The following IRAK1BP1 variants were observed in gnomAD, a reference collection of about 807,000 sequenced individuals.
IRAK1BP1 encodes the protein interleukin-1 receptor-associated kinase 1-binding protein 1.
IRAK1BP1 carries 24 observed loss-of-function variants against 28.0 expected under a neutral mutation model. The observed-to-expected ratio is 0.86, with a 90% CI of 0.62 to 1.20. The LOEUF is 1.20. Ranked by LOEUF, IRAK1BP1 falls within the 50% of genes most tolerant of loss-of-function variation. The pLI is 0.00. For synonymous variants in IRAK1BP1, 131 were observed against 116.3 expected (o/e 1.13, Z -0.81); for missense variants, 336 against 316.7 (o/e 1.06, Z -0.46).
chr6:78,886,429 T>C (rs930176713), intron 2 of IRAK1BP1, among the ~76,000 whole-genome samples: 4 of 152,218 alleles, frequency 2.6e-5, no homozygotes. Context: ...TTACTCATTA[T>C]GATTTTAGGG....
exon 5 of IRAK1BP1, chr6:78,946,341 A>G: frequency 2.1e-6 from 3 of 1,448,062 alleles, no homozygotes; most frequent in Non-Finnish European, 2.8e-6. Context: ...TTTGGATTCA[A>G]TATTTGTACT....
At chr6:78,958,344 C>G in the IRAK1BP1 span, 1 of 604,274 alleles carries the variant, frequency 1.7e-6, no homozygotes. Flanking sequence ...GTCTAATGCT[C>G]TCCCAGCTGA....
At position 78,935,652 on chromosome 6, in the gene IRAK1BP1, A is replaced by AATTAC. The variant is rs1457469294; in HGVS notation, c.*68-9752_*68-9748dup. The AATTAC allele has an allele frequency of 4.1e-6, 4 of 983,668 alleles. No homozygotes were observed. The African/African-American group carries it at 7.0e-5, about 17-fold the overall frequency. The allele number at this position is 983,668 out of a possible 1,614,324, so 60.9% of individuals were successfully genotyped here. ...TTGACCTTCAGTTGTTTTGGAATTA[A>AATTAC]ATTACATTTCGGCACCCAAATATCT... On this transcript the variant is annotated intron_variant and NMD_transcript_variant, in intron 4 of 4. Transcript: ENST00000606868.
chr6:78,908,751 G>A (rs972743887), intron 4 of IRAK1BP1, among the ~76,000 whole-genome samples: 2 of 152,202 alleles, frequency 1.3e-5, no homozygotes, highest in East Asian at 3.8e-4. Flanking sequence ...GAAAATCAAT[G>A]TGCAATATTT....
downstream of IRAK1BP1, among the ~76,000 whole-genome samples, chr6:78,951,244 T>A (rs1325597387): frequency 1.3e-5 from 2 of 152,216 alleles, no homozygotes; most frequent in Non-Finnish European, 2.9e-5. Context: ...ATTTTATTTA[T>A]GTAGAATACT....
At position 78,885,396 on chromosome 6, in the gene IRAK1BP1, A is replaced by G; in HGVS notation, c.334A>G (p.Thr112Ala). Residue 112 changes from threonine (T) to alanine (A), a missense_variant, in exon 2 of 4, where the codon ACA (threonine) becomes GCA (alanine). Transcript: ENST00000369940. ...GTTTCAGGCAGAAAATATAACTGTGACAAAGGATTTTAGGAGAGTGGAAAA... is the reference window on the plus strand; with the variant it reads ...GTTTCAGGCAGAAAATATAACTGTGGCAAAGGATTTTAGGAGAGTGGAAAA... ...QGVQAENITV[T>A]KDFRRVENAY... 1 of 1,583,500 alleles carries G rather than the reference A, an allele frequency of 6.3e-7. No homozygotes were observed. Among genetic ancestry groups the G allele is most frequent in the Admixed American group, 1.8e-5 (1 of 57,012 alleles).
At chr6:78,953,807 A>T in the IRAK1BP1 span, among the ~76,000 whole-genome samples, 1 of 152,066 alleles carries the variant, frequency 6.6e-6, no homozygotes, top group South Asian at 2.1e-4. Flanking sequence ...GCTGGTCTTG[A>T]ACTCCTGGCC....
chr6:78,871,479 T>C, intron 1 of IRAK1BP1: 2 of 985,550 alleles, frequency 2.0e-6, no homozygotes, highest in Non-Finnish European at 1.2e-6. Context: ...TGACACCCAG[T>C]AGGAGGTATT....
intron 4 of IRAK1BP1, among the ~76,000 whole-genome samples, chr6:78,942,332 A>C (rs1451246809): frequency 6.6e-6 from 1 of 152,106 alleles, no homozygotes; most frequent in African/African-American, 2.4e-5. Flanking sequence ...AAAGTACAAA[A>C]AGTAGCTGGG....
At chr6:78,879,084 C>G (rs945298322) in intron 1 of IRAK1BP1, among the ~76,000 whole-genome samples, 3 of 152,042 alleles carry the variant, frequency 2.0e-5, no homozygotes, top group Non-Finnish European at 4.4e-5. Context: ...ACGATATTAT[C>G]CAGGAGAACT....
chr6:78,897,960 G>T lies in IRAK1BP1; in HGVS notation c.512+1G>T, dbSNP rs1256928480. The T allele has an allele frequency of 1.2e-6, 2 of 1,613,534 alleles. No individual in the cohort carries two copies. The highest frequency in any genetic ancestry group is 2.7e-5 in the African/African-American group (2 of 74,878). ...CTCCAGGTTCTGTTGAGAATCTTCG[G>T]TAAGTTTAAGCACATCTTTAACTAA... is the stretch of plus-strand genomic sequence containing the variant. On this transcript the variant is annotated splice_donor_variant, in intron 3 of 3. Coordinates refer to ENST00000369940, the MANE Select transcript of IRAK1BP1 (RefSeq NM_001010844.4). LOFTEE classifies it high-confidence loss of function.
chr6:78,923,029 A>G (rs1174926925), intron 4 of IRAK1BP1, among the ~76,000 whole-genome samples: 2 of 152,158 alleles, frequency 1.3e-5, no homozygotes, highest in Non-Finnish European at 2.9e-5. Context: ...CGAGCAAAAT[A>G]ACCAGCTAAC....
Position 78,940,967 on chromosome 6 carries a change from A to T in IRAK1BP1, c.*68-4441A>T, listed in dbSNP as rs768951489. 6.3e-5 allele frequency: 102 copies of T among 1,613,664 alleles called. No individual in the cohort carries two copies. Among genetic ancestry groups the T allele is most frequent in the Non-Finnish European group, 8.1e-5 (96 of 1,179,766 alleles). ...CCTTAACACTTTGACACTTGCAGGG[A>T]CTAGGAGATCTGCATCTAATTTTTG... is the stretch of plus-strand genomic sequence containing the variant. On this transcript the variant is annotated intron_variant and NMD_transcript_variant, in intron 4 of 4. Coordinates refer to the IRAK1BP1 transcript ENST00000606868.
At chr6:78,877,727 A>G (rs1483626522) in intron 1 of IRAK1BP1, among the ~76,000 whole-genome samples, 1 of 152,174 alleles carries the variant, frequency 6.6e-6, no homozygotes, top group Admixed American at 6.5e-5. Context: ...GGGTCGGGGA[A>G]TTCCCTTTCC....
At chr6:78,946,460 C>T (rs1168601019), downstream of IRAK1BP1, 41 of 1,398,390 alleles carry the variant, frequency 2.9e-5, no homozygotes, top group Admixed American at 1.3e-4. Flanking sequence ...AGTTATATGA[C>T]GGAAAGCATG....
At chr6:78,927,928 G>T (rs1283631394) in intron 4 of IRAK1BP1, among the ~76,000 whole-genome samples, 1 of 152,066 alleles carries the variant, frequency 6.6e-6, no homozygotes, top group Non-Finnish European at 1.5e-5. Context: ...ATGCTGTTTT[G>T]CTCACTATAG....
At chr6:78,943,990 TAAAAAAAAAA>T (rs558983037) in intron 4 of IRAK1BP1, among the ~76,000 whole-genome samples, 1 of 78,144 alleles carries the variant, frequency 1.3e-5, no homozygotes, top group African/African-American at 5.2e-5. Flanking sequence ...TGTCTTTTTT[TAAAAAAAAAA>T]AAAAAAAAAA....
chr6:78,897,838 A>C lies in IRAK1BP1; in HGVS notation c.391A>C (p.Thr131Pro), dbSNP rs757396281. Residue 131 changes from threonine (T) to proline (P), a missense_variant, in exon 3 of 4, where the codon ACA (threonine) becomes CCA (proline). Coordinates refer to ENST00000369940, the MANE Select transcript of IRAK1BP1 (RefSeq NM_001010844.4). Reference protein sequence around the residue: ...AYHMEAEVCITFTEFGKMQNI... With the variant: ...AYHMEAEVCIPFTEFGKMQNI... ...GTCATTTCATTTACAGGTCTGCATT[A>C]CATTTACTGAATTTGGAAAAATGCA... 2 of 1,612,242 alleles carry C rather than the reference A, an allele frequency of 1.2e-6. No homozygotes were observed. The highest frequency in any genetic ancestry group is 1.7e-6 in the Non-Finnish European group (2 of 1,178,850).
chr6:78,973,431 A>T, the IRAK1BP1 span, among the ~76,000 whole-genome samples: 1 of 146,372 alleles, frequency 6.8e-6, no homozygotes, highest in Non-Finnish European at 1.5e-5. Flanking sequence ...TCATGCCAAA[A>T]TGTAAAGACC....
Sources: gnomAD v4.1 joint callset for allele counts (sites outside exome capture counted in the v4.1 genomes callset) on GRCh38, gnomAD v4.1.1 for gene constraint, MANE v1.5 for transcripts, NCBI Gene and HGNC (gene_info 2026-07-23, HGNC 2026-07-21) for gene names.